BABAM2: variants seen among roughly 807,000 people sequenced by gnomAD.
BABAM2 encodes BRISC and BRCA1-A complex member 2.
Under a neutral mutation model 54.7 loss-of-function variants are expected in BABAM2, and 31 were observed. The ratio of observed to expected loss-of-function variants is 0.57; its 90% CI spans 0.43 to 0.77. BABAM2 has a LOEUF of 0.77. Among genes scored for constraint, BABAM2 ranks in the 30% least tolerant of loss-of-function variants. The pLI is 0.00. For missense variants in BABAM2, 364 were observed against 455.8 expected (o/e 0.80, Z 1.83); for synonymous variants, 167 against 162.9 (o/e 1.03, Z -0.19).
At chr2:28,066,835 T>G (rs1663632894) in intron 6 of BABAM2, among the ~76,000 whole-genome samples, 1 of 152,208 alleles carries the variant, frequency 6.6e-6, no homozygotes, top group South Asian at 2.1e-4. Context: ...TTTTACTCAC[T>G]TCATGGAAGT....
intron 5 of BABAM2, among the ~76,000 whole-genome samples, chr2:28,037,416 A>G (rs953158289): frequency 3.1e-4 from 47 of 152,120 alleles, no homozygotes; most frequent in African/African-American, 1.1e-3. Context: ...TTACAATTGT[A>G]TATTATTACA....
chr2:28,237,385 A>G, intron 8 of BABAM2, 84 bp downstream of exon 8: 3 of 1,251,710 alleles, frequency 2.4e-6, no homozygotes, highest in Non-Finnish European at 3.5e-6. Flanking sequence ...TGCATGCTCC[A>G]TCCTTCTCGG....
At chr2:28,152,610 A>G (rs939136807) in intron 7 of BABAM2, among the ~76,000 whole-genome samples, 1 of 152,170 alleles carries the variant, frequency 6.6e-6, no homozygotes, top group South Asian at 2.1e-4. Context: ...AGAGCTCAGG[A>G]TGAATGACAC....
intron 2 of BABAM2, among the ~76,000 whole-genome samples, chr2:27,903,653 T>C (rs1665981660): frequency 6.6e-6 from 1 of 152,170 alleles, no homozygotes; most frequent in South Asian, 2.1e-4. Flanking sequence ...TCTGTTGCCG[T>C]CAGTCAGAAC....
chr2:28,065,186 C>T (rs965049410), intron 6 of BABAM2, among the ~76,000 whole-genome samples: 4 of 152,152 alleles, frequency 2.6e-5, no homozygotes, highest in Non-Finnish European at 4.4e-5. Flanking sequence ...AGAATCCTGA[C>T]TTGTTCATAA....
intron 6 of BABAM2, among the ~76,000 whole-genome samples, chr2:28,069,760 G>A (rs1663952061): frequency 6.6e-6 from 1 of 152,196 alleles, no homozygotes; most frequent in South Asian, 2.1e-4. Context: ...ACTTCCAAGA[G>A]TATCTGTGAA....
rs776788389 is a variant in BABAM2 at position 27,930,055 on chromosome 2, A to G, written c.205+147A>G. On this transcript the variant is annotated intron_variant, in intron 3 of 11. Transcript: ENST00000379624. ...TTACCACTTTTCTTATCTGCCATTCAATTCTAGTTTGATTAAAAGTAAGGC... is the reference window on the plus strand; with the variant it reads ...TTACCACTTTTCTTATCTGCCATTCGATTCTAGTTTGATTAAAAGTAAGGC... The G allele has an allele frequency of 2.5e-5, 17 of 690,160 alleles. No homozygotes were observed. In the East Asian group the frequency reaches 4.3e-4, roughly 17 times the overall value. 42.8% of individuals were successfully genotyped at this position (690,160 alleles called of 1,614,324 possible). A position where few individuals can be genotyped will look rare whatever the true frequency, so the allele number is the denominator to read the frequency against.
At chr2:27,940,109 T>C (rs1259249533) in intron 3 of BABAM2, among the ~76,000 whole-genome samples, 1 of 152,208 alleles carries the variant, frequency 6.6e-6, no homozygotes, top group Non-Finnish European at 1.5e-5. Context: ...CTGCAACATA[T>C]TCTATTACTT....
chr2:28,049,797 G>A (rs1371597184), intron 6 of BABAM2, among the ~76,000 whole-genome samples: 1 of 152,218 alleles, frequency 6.6e-6, no homozygotes, highest in East Asian at 1.9e-4. Context: ...GATAGGCAGA[G>A]AGTTGTGAAT....
At chr2:27,928,104 C>T (rs1050086705) in intron 2 of BABAM2, among the ~76,000 whole-genome samples, 3 of 152,058 alleles carry the variant, frequency 2.0e-5, no homozygotes, top group Non-Finnish European at 4.4e-5. Flanking sequence ...CTCCGCCTCC[C>T]GTGTTCAAGC....
At chr2:27,973,597 C>G (rs1415503923) in intron 3 of BABAM2, among the ~76,000 whole-genome samples, 1 of 152,096 alleles carries the variant, frequency 6.6e-6, no homozygotes, top group African/African-American at 2.4e-5. Context: ...GAAAAACTCC[C>G]AGTTTCAAGC....
chr2:28,316,787 G>A (rs1483524608), intron 11 of BABAM2, among the ~76,000 whole-genome samples: 1 of 152,180 alleles, frequency 6.6e-6, no homozygotes, highest in East Asian at 1.9e-4. Flanking sequence ...GATGGGAACA[G>A]ATTCAGTGCA....
chr2:28,139,451 C>G (rs11691530), intron 7 of BABAM2, among the ~76,000 whole-genome samples: 37,259 of 150,780 alleles, frequency 0.25, 4,795 homozygotes, highest in South Asian at 0.47. Flanking sequence ...CGCTTCTAGT[C>G]CCAGCTGCTT....
intron 10 of BABAM2, among the ~76,000 whole-genome samples, chr2:28,254,447 G>A (rs574056671): frequency 6.7e-5 from 10 of 148,762 alleles, no homozygotes; most frequent in Non-Finnish European, 1.3e-4. Context: ...CCAGCCCATT[G>A]TTGTTTTTTT....
intron 6 of BABAM2, among the ~76,000 whole-genome samples, chr2:28,097,165 G>T (rs1000199111): frequency 1.3e-5 from 2 of 152,154 alleles, no homozygotes; most frequent in African/African-American, 4.8e-5. Flanking sequence ...AACCATAGCT[G>T]TAGGGAAACC....
chr2:27,955,545 T>C (rs1425549952), intron 3 of BABAM2, among the ~76,000 whole-genome samples: 1 of 152,230 alleles, frequency 6.6e-6, no homozygotes, highest in Non-Finnish European at 1.5e-5. Context: ...AAATCTTGTC[T>C]GGTTTTTCCA....
intron 9 of BABAM2, among the ~76,000 whole-genome samples, chr2:28,241,742 C>A (rs1019100882): frequency 6.6e-6 from 1 of 152,140 alleles, no homozygotes; most frequent in Admixed American, 6.5e-5. Context: ...ATCCGCCCAC[C>A]TTGGCCTCCC....
intron 3 of BABAM2, among the ~76,000 whole-genome samples, chr2:27,948,743 C>T (rs530425368): frequency 6.6e-6 from 1 of 151,990 alleles, no homozygotes; most frequent in Admixed American, 6.5e-5. Flanking sequence ...TGCACTCCAG[C>T]CTGGATGACA....
intron 10 of BABAM2, among the ~76,000 whole-genome samples, chr2:28,276,111 T>C (rs1685858068): frequency 6.6e-6 from 1 of 152,114 alleles, no homozygotes. Context: ...TTGTGGAAGC[T>C]TGTTAGGTTG....
Sources: gnomAD v4.1 joint callset for allele counts (sites outside exome capture counted in the v4.1 genomes callset) on GRCh38, gnomAD v4.1.1 for gene constraint, MANE v1.5 for transcripts, NCBI Gene and HGNC (gene_info 2026-07-23, HGNC 2026-07-21) for gene names.